The following MTUS2 variants were observed in gnomAD, a reference collection of about 807,000 sequenced individuals.
MTUS2 encodes the protein microtubule-associated tumor suppressor candidate 2.
MTUS2 carries 40 observed loss-of-function variants against 114.1 expected under a neutral mutation model. The ratio of observed to expected loss-of-function variants is 0.35; its 90% CI spans 0.27 to 0.46. MTUS2 has a LOEUF of 0.46. Among genes scored for constraint, MTUS2 ranks in the 20% least tolerant of loss-of-function variants. MTUS2 has a pLI of 1.00. For synonymous variants in MTUS2, 688 were observed against 672.0 expected (o/e 1.02, Z -0.37); for missense variants, 1,679 against 1,705.4 (o/e 0.98, Z 0.27).
chr13:29,461,775 A>G (rs571304575), intron 9 of MTUS2, among the ~76,000 whole-genome samples: 1 of 152,380 alleles, frequency 6.6e-6, no homozygotes, highest in South Asian at 2.1e-4. Flanking sequence ...CTAAGTTATC[A>G]TGAATGTAGC....
intron 8 of MTUS2, among the ~76,000 whole-genome samples, chr13:29,418,280 G>A (rs1303384471): frequency 1.3e-5 from 2 of 152,292 alleles, no homozygotes; most frequent in East Asian, 3.9e-4. Flanking sequence ...ATTTTCAGTA[G>A]TGTCTTGGGG....
chr13:29,361,700 C>G (rs1870265560), intron 8 of MTUS2, among the ~76,000 whole-genome samples: 1 of 152,172 alleles, frequency 6.6e-6, no homozygotes, highest in African/African-American at 2.4e-5. Context: ...TACCCCATGT[C>G]ACCCTTGTGA....
At chr13:29,499,831 A>C (rs1358088457) in intron 14 of MTUS2, among the ~76,000 whole-genome samples, 1 of 152,228 alleles carries the variant, frequency 6.6e-6, no homozygotes, top group Non-Finnish European at 1.5e-5. Flanking sequence ...TTTTGCAGAC[A>C]TCTCTTGCTG....
At chr13:29,199,515 C>G (rs144808264) in intron 5 of MTUS2, among the ~76,000 whole-genome samples, 177 of 152,274 alleles carry the variant, frequency 1.2e-3, no homozygotes, top group African/African-American at 4.1e-3. Flanking sequence ...TATGTTGAAC[C>G]AGCCTTGCAT....
chr13:28,971,172 T>C (rs1566261129), intron 2 of MTUS2, among the ~76,000 whole-genome samples: 1 of 152,200 alleles, frequency 6.6e-6, no homozygotes. Context: ...TTCATTTCAG[T>C]CACTTGAAAA....
intron 8 of MTUS2, among the ~76,000 whole-genome samples, chr13:29,401,576 T>A (rs1874353513): frequency 6.6e-6 from 1 of 152,220 alleles, no homozygotes; most frequent in East Asian, 1.9e-4. Flanking sequence ...ATAAGTAGGC[T>A]GCTGTCTCAA....
intron 2 of MTUS2, among the ~76,000 whole-genome samples, chr13:28,885,634 G>A (rs989000047): frequency 1.6e-4 from 24 of 152,156 alleles, no homozygotes; most frequent in African/African-American, 5.3e-4. Flanking sequence ...GCTCTGGATG[G>A]CCATGGTTTA....
At chr13:29,319,682 CAAG>C (rs1900171432) in intron 6 of MTUS2, among the ~76,000 whole-genome samples, 1 of 152,094 alleles carries the variant, frequency 6.6e-6, no homozygotes, top group African/African-American at 2.4e-5. Flanking sequence ...CCACATGAAA[CAAG>C]AGGAGGGAAG....
chr13:29,025,948 G>T lies in MTUS2; in HGVS notation c.1250G>T (p.Cys417Phe). The T allele has an allele frequency of 6.2e-7, 1 of 1,614,012 alleles. No homozygotes were observed. Among genetic ancestry groups the T allele is most frequent in the Non-Finnish European group, 8.5e-7 (1 of 1,179,888 alleles). Residue 417 changes from cysteine (C) to phenylalanine (F), a missense_variant, in exon 3 of 16, where the codon TGT becomes TTT. Transcript: ENST00000612955. ...CAGCCCACTGGCAAAATTTCACCAT[G>T]TGCAGGTGAGAAGTTGGGTGAAAGG... ...DNQPTGKISPCAGEKLGERTS... is the reference protein window; with the variant it reads ...DNQPTGKISPFAGEKLGERTS...
At chr13:28,923,252 C>T (rs1046379930) in intron 2 of MTUS2, among the ~76,000 whole-genome samples, 1 of 152,190 alleles carries the variant, frequency 6.6e-6, no homozygotes, top group Non-Finnish European at 1.5e-5. Context: ...AGAATGCTAA[C>T]ATCCGATTCA....
At chr13:29,333,129 C>G (rs534849599) in intron 7 of MTUS2, among the ~76,000 whole-genome samples, 1 of 152,062 alleles carries the variant, frequency 6.6e-6, no homozygotes, top group South Asian at 2.1e-4. Flanking sequence ...CATTCCTTAC[C>G]CAGTAGTCAT....
intron 2 of MTUS2, among the ~76,000 whole-genome samples, chr13:28,841,728 C>T (rs1017446208): frequency 1.3e-5 from 2 of 151,928 alleles, no homozygotes; most frequent in East Asian, 3.9e-4. Context: ...ACTCTGTCGC[C>T]CAGGTTGGAG....
chr13:29,143,234 T>C (rs1892298938), intron 5 of MTUS2, among the ~76,000 whole-genome samples: 1 of 152,198 alleles, frequency 6.6e-6, no homozygotes, highest in Non-Finnish European at 1.5e-5. Flanking sequence ...GGCTTAAGCC[T>C]AGCTTTCTTA....
At chr13:29,179,488 T>A (rs1893910187) in intron 5 of MTUS2, among the ~76,000 whole-genome samples, 1 of 152,118 alleles carries the variant, frequency 6.6e-6, no homozygotes, top group Admixed American at 6.5e-5. Flanking sequence ...ATGGAGAGAT[T>A]CCTCCCTAAA....
At chr13:29,328,897 T>C (rs1190527627) in intron 7 of MTUS2, among the ~76,000 whole-genome samples, 1 of 152,210 alleles carries the variant, frequency 6.6e-6, no homozygotes, top group Non-Finnish European at 1.5e-5. Context: ...TGTTATGCTG[T>C]GTACCAGAGT....
chr13:28,987,285 G>A (rs1002324637), intron 2 of MTUS2, among the ~76,000 whole-genome samples: 13 of 152,304 alleles, frequency 8.5e-5, no homozygotes, highest in Non-Finnish European at 1.3e-4. Context: ...CACAGAGGGT[G>A]TGGACAGAGG....
chr13:29,055,496 G>T (rs1170711023), intron 4 of MTUS2, among the ~76,000 whole-genome samples: 1 of 152,060 alleles, frequency 6.6e-6, no homozygotes, highest in Non-Finnish European at 1.5e-5. Flanking sequence ...CCTATGGGTA[G>T]TTTTTCAATC....
intron 2 of MTUS2, among the ~76,000 whole-genome samples, chr13:28,993,409 T>G (rs536578319): frequency 6.6e-6 from 1 of 152,366 alleles, no homozygotes; most frequent in Non-Finnish European, 1.5e-5. Context: ...CCTGTTATTT[T>G]GTTATTCTCC....
chr13:29,495,981 A>G (rs1024119966), intron 12 of MTUS2, among the ~76,000 whole-genome samples: 1 of 151,844 alleles, frequency 6.6e-6, no homozygotes, highest in Non-Finnish European at 1.5e-5. Context: ...AGAAGAGTTC[A>G]TGGGAGACCC....
Sources: gnomAD v4.1 joint callset for allele counts (sites outside exome capture counted in the v4.1 genomes callset) on GRCh38, gnomAD v4.1.1 for gene constraint, MANE v1.5 for transcripts, NCBI Gene and HGNC (gene_info 2026-07-23, HGNC 2026-07-21) for gene names.